SLC8B1: variants seen among roughly 807,000 people sequenced by gnomAD.
SLC8B1 encodes solute carrier family 8 member B1, also known as mitochondrial sodium/calcium exchanger protein.
SLC8B1 carries 52 observed loss-of-function variants against 63.4 expected under a neutral mutation model. That is an observed-to-expected ratio of 0.82 (90% CI 0.66 to 1.03). The LOEUF (loss-of-function observed/expected upper bound fraction) is 1.03, where lower values mean the gene tolerates loss of function less well. Among genes scored for constraint, SLC8B1 ranks in the 50% least tolerant of loss-of-function variants. The pLI is 0.00. For missense variants in SLC8B1, 657 were observed against 741.7 expected, an observed-to-expected ratio of 0.89 and a Z score of 1.33; for synonymous variants, 336 against 323.9, an observed-to-expected ratio of 1.04 and a Z score of -0.40.
intron 8 of SLC8B1, among the ~76,000 whole-genome samples, chr12:113,317,384 C>T (rs559927494): frequency 2.0e-5 from 3 of 152,334 alleles, no homozygotes; most frequent in African/African-American, 7.2e-5. Context: ...CCACTGCGCC[C>T]GGCCACGTCC....
intron 8 of SLC8B1, among the ~76,000 whole-genome samples, chr12:113,318,618 G>T (rs1003600664): frequency 4.6e-5 from 7 of 152,144 alleles, no homozygotes; most frequent in Admixed American, 2.0e-4. Flanking sequence ...TGATTTCTTT[G>T]TATTTATTTT....
Position 113,299,629 on chromosome 12 carries a change from CA to C in SLC8B1, c.*147del, listed in dbSNP as rs1956541543. 1.4e-6 allele frequency: 1 copy of C among 728,886 alleles called. No homozygotes were observed. The highest frequency in any genetic ancestry group is 2.3e-5 in the Admixed American group (1 of 43,040). 45.2% of individuals were successfully genotyped at this position (728,886 alleles called of 1,614,324 possible). ...GAGGTACACAGCAGTTCTCCCAGCTCACAGCAGTGACCTCAGATCTCCAGCA... is the reference window on the plus strand; with the variant it reads ...GAGGTACACAGCAGTTCTCCCAGCTCCAGCAGTGACCTCAGATCTCCAGCA... On this transcript the variant is annotated 3_prime_UTR_variant, in exon 16 of 16. Transcript: ENST00000680972.
At position 113,320,653 on chromosome 12, in the gene SLC8B1, G is replaced by T. The variant is rs1176859002; in HGVS notation, c.454C>A (p.Pro152Thr). Residue 152 changes from proline to threonine, a missense_variant, in exon 6 of 16, where the codon CCT becomes ACT. Transcript: ENST00000680972. This position sits in a 1 kb window ranked among gnomAD's most constrained non-coding sequence, Gnocchi z 5.3. ...GCCACCAGGGCACTGAAGATGTCAG[G>T]TGCACCATTCCCAAATGCCAGGAAG... ...VTFLAFGNGA[P>T]DIFSALVAFS... is the part of the protein sequence containing the mutation. 2.5e-6 allele frequency: 4 copies of T among 1,613,940 alleles called. No homozygotes were observed. The highest frequency in any genetic ancestry group is 3.3e-5 in the Admixed American group (2 of 60,002).
At chr12:113,334,025 T>G (rs979043080) in intron 1 of SLC8B1, among the ~76,000 whole-genome samples, 3 of 152,142 alleles carry the variant, frequency 2.0e-5, no homozygotes, top group African/African-American at 7.2e-5. Flanking sequence ...TTCCAGAACC[T>G]GCCCAAGGTC....
chr12:113,320,199 G>C lies in SLC8B1; in HGVS notation c.694+132C>G. 1 of 1,147,494 alleles carries C rather than the reference G, an allele frequency of 8.7e-7. No individual in the cohort carries two copies. The highest frequency in any genetic ancestry group is 1.5e-5 in the South Asian group (1 of 66,056). 71.1% of individuals were successfully genotyped at this position (1,147,494 alleles called of 1,614,324 possible). On this transcript the variant is annotated intron_variant, in intron 7 of 15. Transcript: ENST00000680972. This position sits in a 1 kb window ranked among gnomAD's most constrained non-coding sequence, Gnocchi z 5.3. ...CCATTTTTGCTCAAGCCAGCTTGAG[G>C]AGGGTTTCTGTCACTTGTAATCAAA...
At chr12:113,322,135 C>T (rs185066015) in intron 2 of SLC8B1, among the ~76,000 whole-genome samples, 185 of 151,974 alleles carry the variant, frequency 1.2e-3, no homozygotes, top group African/African-American at 4.3e-3. Context: ...GAGGTTGAGG[C>T]TGCAATACTG....
intron 15 of SLC8B1, among the ~76,000 whole-genome samples, chr12:113,301,442 T>C (rs1277628531): frequency 6.6e-6 from 1 of 151,186 alleles, no homozygotes; most frequent in East Asian, 2.0e-4. Flanking sequence ...GTTCAAGTGA[T>C]TCTCCTGCCT....
intron 15 of SLC8B1, among the ~76,000 whole-genome samples, chr12:113,300,279 C>A (rs1956564286): frequency 6.6e-6 from 1 of 152,110 alleles, no homozygotes; most frequent in South Asian, 2.1e-4. Flanking sequence ...GGAGTTCGAC[C>A]TGTATTGGCC....
chr12:113,334,048 G>A (rs925218867), intron 1 of SLC8B1, among the ~76,000 whole-genome samples: 5 of 152,122 alleles, frequency 3.3e-5, no homozygotes, highest in Admixed American at 3.3e-4. Context: ...ACAGCAAGAG[G>A]GTCACAGAGC....
rs144634312 is a variant in SLC8B1 at position 113,332,559 on chromosome 12, C to G, written c.156+164G>C. ...AAGTTTACTTCTTGATCTGTCTGTT[C>G]AGGAGACTGTCAGCTTCTTGAGAGT... On this transcript the variant is annotated intron_variant, in intron 2 of 15. Transcript: ENST00000680972. Among the ~76,000 whole-genome samples the G allele has an allele frequency of 5.3e-3, 801 of 152,284 alleles. 9 individuals are homozygous for G. The highest frequency in any genetic ancestry group is 0.018 in the African/African-American group (762 of 41,544).
chr12:113,310,361 A>C lies in SLC8B1; in HGVS notation c.1136-6T>G. ...GCCTATCTCATAGACACCATCTGCA[A>C]AGGGAGAGAAAGGGAGCTGATACCT... On this transcript the variant is annotated splice_polypyrimidine_tract_variant and splice_region_variant and intron_variant, in intron 11 of 15. Transcript: ENST00000680972. The C allele has an allele frequency of 6.2e-7, 1 of 1,610,606 alleles. No homozygotes were observed. The highest frequency in any genetic ancestry group is 8.5e-7 in the Non-Finnish European group (1 of 1,178,884).
At chr12:113,317,919 GTATGTTGCA>G (rs1393169091) in intron 8 of SLC8B1, among the ~76,000 whole-genome samples, 66 of 152,246 alleles carry the variant, frequency 4.3e-4, no homozygotes, top group African/African-American at 1.2e-3. Context: ...GCATGTATGT[GTATGTTGCA>G]TGTGTGTGCA....
chr12:113,315,834 T>G (rs1292149688), intron 10 of SLC8B1, among the ~76,000 whole-genome samples: 2 of 152,204 alleles, frequency 1.3e-5, no homozygotes, highest in African/African-American at 4.8e-5. Context: ...CTGTCGCCAC[T>G]TCTCAGTCTC....
At position 113,320,397 on chromosome 12, in the gene SLC8B1, T is replaced by C. The variant is rs1394192124; in HGVS notation, c.628A>G (p.Met210Val). The change falls in exon 7 of 16, where the codon ATG (methionine) becomes GTG (valine). Residue 210 changes from methionine to valine, a missense_variant. Coordinates refer to ENST00000680972, the MANE Select transcript of SLC8B1 (RefSeq NM_001358345.2). The surrounding 1 kb of genome is among the most constrained non-coding windows in gnomAD (Gnocchi z 5.3). ...RPFFRDIVFYMVAVFLTFLML... is the reference protein window; with the variant it reads ...RPFFRDIVFYVVAVFLTFLML... ...AGGAAGGTCAGGAACACAGCCACCATGTAGAAAACGATGTCCCTGAAGAAG... is the reference window on the plus strand; with the variant it reads ...AGGAAGGTCAGGAACACAGCCACCACGTAGAAAACGATGTCCCTGAAGAAG... The C allele has an allele frequency of 5.6e-6, 9 of 1,614,134 alleles. No homozygotes were observed. The highest frequency in any genetic ancestry group is 5.9e-6 in the Non-Finnish European group (7 of 1,180,022).
Position 113,329,871 on chromosome 12 carries a change from G to GT in SLC8B1, c.156+2851dup, listed in dbSNP as rs549299476. Among the ~76,000 whole-genome samples, 295 of 152,202 alleles carry GT rather than the reference G, an allele frequency of 1.9e-3. 2 individuals carry two copies. The highest frequency in any genetic ancestry group is 6.4e-3 in the African/African-American group (267 of 41,530). Reference sequence around the variant, plus strand: ...CCCACTGACAGCCAAGTCTACAGTGGTCCCCAGGGCCCCTGTTCTCTCCTG... The same window carrying GT: ...CCCACTGACAGCCAAGTCTACAGTGGTTCCCCAGGGCCCCTGTTCTCTCCTG... On this transcript the variant is annotated intron_variant, in intron 2 of 15. Transcript: ENST00000680972.
chr12:113,306,789 C>T (rs1306872481), intron 13 of SLC8B1: 4 of 555,360 alleles, frequency 7.2e-6, no homozygotes, highest in African/African-American at 5.6e-5. Context: ...CACTCTTTCA[C>T]ACCAGGAACA....
At chr12:113,327,441 G>A (rs6489898) in intron 2 of SLC8B1, among the ~76,000 whole-genome samples, 18,557 of 152,094 alleles carry the variant, frequency 0.12, 1,285 homozygotes, top group African/African-American at 0.2. Flanking sequence ...GCCAGGCATT[G>A]TGGCTCACAT....
intron 15 of SLC8B1, among the ~76,000 whole-genome samples, chr12:113,303,599 T>G (rs1243083840): frequency 1.3e-5 from 2 of 152,228 alleles, no homozygotes; most frequent in Non-Finnish European, 2.9e-5. Flanking sequence ...GGGTCCAATC[T>G]GCCTCATATG....
intron 7 of SLC8B1, 66 bp from the exon 8 acceptor site, chr12:113,319,137 C>T (rs868664953): frequency 8.3e-7 from 1 of 1,209,424 alleles, no homozygotes; most frequent in Middle Eastern, 1.9e-4. Context: ...CAACAGCTGG[C>T]AGTTCTATCA....
Sources: allele counts gnomAD v4.1 joint callset (sites outside exome capture counted in the v4.1 genomes callset), GRCh38; gene constraint gnomAD v4.1.1; non-coding constraint Gnocchi (gnomAD v3.1); transcripts MANE v1.5; gene names NCBI Gene and HGNC (gene_info 2026-07-23, HGNC 2026-07-21).